Variants in AGPAT3 observed in about 807,000 individuals in gnomAD.
The protein encoded by AGPAT3 is 1-acylglycerol-3-phosphate O-acyltransferase 3, also known as 1-acyl-sn-glycerol-3-phosphate acyltransferase gamma.
AGPAT3 carries 5 observed loss-of-function variants against 47.3 expected under a neutral mutation model. The ratio of observed to expected loss-of-function variants is 0.11; its 90% CI spans 0.06 to 0.22. The LOEUF is 0.22. Ranked by LOEUF, AGPAT3 falls within the 10% of genes least tolerant of loss-of-function variation. The probability of loss-of-function intolerance (pLI) is 1.00; values close to 1 mark genes in which losing one functional copy is unlikely to be tolerated. For missense variants in AGPAT3, 315 were observed against 493.0 expected (o/e 0.64, Z 3.42); for synonymous variants, 212 against 208.3 (o/e 1.02, Z -0.15).
chr21:43,936,710 G>A (rs1417087060), intron 2 of AGPAT3, among the ~76,000 whole-genome samples: 4 of 152,144 alleles, frequency 2.6e-5, no homozygotes, highest in Non-Finnish European at 5.9e-5. Flanking sequence ...TCCTTTTCCC[G>A]ACCGCAGCTC....
At chr21:43,904,420 G>A (rs1039737794) in intron 2 of AGPAT3, among the ~76,000 whole-genome samples, 3 of 152,288 alleles carry the variant, frequency 2.0e-5, no homozygotes, top group Admixed American at 6.5e-5. Flanking sequence ...CCTGGAGACC[G>A]ACTGGGAGCC....
chr21:43,906,355 T>C (rs1337450694), intron 2 of AGPAT3, among the ~76,000 whole-genome samples: 1 of 152,128 alleles, frequency 6.6e-6, no homozygotes, highest in Non-Finnish European at 1.5e-5. Flanking sequence ...TGAGTGTTAA[T>C]ATCGAAATCT....
chr21:43,958,374 A>C (rs891517528), intron 2 of AGPAT3, among the ~76,000 whole-genome samples: 1 of 150,036 alleles, frequency 6.7e-6, no homozygotes, highest in African/African-American at 2.5e-5. Context: ...TGTGGTGTAG[A>C]GTATGGGGCT....
chr21:43,877,659 G>A (rs1311424184), intron 1 of AGPAT3, among the ~76,000 whole-genome samples: 1 of 152,026 alleles, frequency 6.6e-6, no homozygotes, highest in Non-Finnish European at 1.5e-5. Flanking sequence ...GGTCAGGCTG[G>A]CCTTGAACTC....
At chr21:43,872,687 T>G (rs1458953075) in intron 1 of AGPAT3, among the ~76,000 whole-genome samples, 1 of 152,248 alleles carries the variant, frequency 6.6e-6, no homozygotes, top group Non-Finnish European at 1.5e-5. Context: ...TTCGTATTTT[T>G]CCTTCCTGTT....
chr21:43,866,336 C>T (rs539806540), intron 1 of AGPAT3, among the ~76,000 whole-genome samples: 9 of 151,128 alleles, frequency 6.0e-5, no homozygotes, highest in African/African-American at 1.9e-4. Flanking sequence ...GATGAGCATG[C>T]GGCTCTTATT....
intron 1 of AGPAT3, among the ~76,000 whole-genome samples, chr21:43,892,141 T>C (rs541299623): frequency 6.6e-5 from 10 of 152,166 alleles, no homozygotes; most frequent in South Asian, 2.1e-4. Context: ...ATCCCGTCTC[T>C]ACTAAAAATA....
rs374771233 is a variant in AGPAT3, at chr21:43,970,639, C to T, written c.511-14C>T. On this transcript the variant is annotated splice_polypyrimidine_tract_variant and intron_variant, in intron 5 of 9. Coordinates refer to ENST00000291572, the MANE Select transcript of AGPAT3 (RefSeq NM_020132.5). This position sits in a 1 kb window ranked among gnomAD's most constrained non-coding sequence, Gnocchi z 5.8. ...CTGCTCTGTGGAGTGACCCTGTCTC[C>T]GTGTTGATCCTAGTTTCTCCTGTAC... 208 of 1,612,852 alleles carry T rather than the reference C, an allele frequency of 1.3e-4. No homozygotes were observed. The highest frequency in any genetic ancestry group is 1.7e-4 in the Middle Eastern group (1 of 6,060).
At chr21:43,963,408 G>A (rs192230831) in intron 3 of AGPAT3, among the ~76,000 whole-genome samples, 65 of 152,210 alleles carry the variant, frequency 4.3e-4, no homozygotes, top group African/African-American at 1.5e-3. Context: ...GGGCATCACA[G>A]ACCATCAGAG....
rs1157915959 is a variant in AGPAT3 at position 43,920,745 on chromosome 21, G to C, written c.-49+16726G>C. Among the ~76,000 whole-genome samples the C allele has an allele frequency of 6.6e-6, 1 of 152,136 alleles. No individual in the cohort carries two copies. Among genetic ancestry groups the C allele is most frequent in the Non-Finnish European group, 1.5e-5 (1 of 67,994 alleles). The stretch of plus-strand genomic sequence containing the variant: ...AGGTTCCCGGAGGGTGGAGCCCTGG[G>C]GAGGGTACAGCAGCTCCGAGCTCCC... On this transcript the variant is annotated intron_variant, in intron 2 of 9. Transcript: ENST00000291572. The surrounding 1 kb of genome is among the most constrained non-coding windows in gnomAD (Gnocchi z 6.1).
In AGPAT3 at chr21:43,922,944, C is replaced by T. The variant is rs1009341188; in HGVS notation, c.-49+18925C>T. Among the ~76,000 whole-genome samples, 9 of 152,208 alleles carry T rather than the reference C, an allele frequency of 5.9e-5. No homozygotes were observed. Among genetic ancestry groups the T allele is most frequent in the South Asian group, 2.1e-4 (1 of 4,832 alleles). On this transcript the variant is annotated intron_variant, in intron 2 of 9. Transcript: ENST00000291572. The surrounding 1 kb of genome is among the most constrained non-coding windows in gnomAD (Gnocchi z 4.9). ...CCCCAGCGGGGCGGGCTCTGGGGTG[C>T]GAGCGTCTGTTCTGTGTCAGGAGTC...
Position 43,983,775 on chromosome 21 carries a change from C to T in AGPAT3, c.*1383C>T, listed in dbSNP as rs1388445028. On this transcript the variant is annotated 3_prime_UTR_variant, in exon 10 of 10. Coordinates refer to ENST00000291572, the MANE Select transcript of AGPAT3 (RefSeq NM_020132.5). ...CCACCTGCATTTGGCTTTCGACTTG[C>T]TTGTTCTAAGTCACAGCGCCCTCAT... 6.6e-6 allele frequency: 1 copy of T among 152,240 alleles called. No homozygotes were observed. The highest frequency in any genetic ancestry group is 1.9e-4 in the East Asian group (1 of 5,206). 9.4% of individuals were successfully genotyped at this position (152,240 alleles called of 1,614,324 possible).
chr21:43,865,590 C>A (rs1231598545), intron 1 of AGPAT3, among the ~76,000 whole-genome samples: 1 of 150,186 alleles, frequency 6.7e-6, no homozygotes, highest in Non-Finnish European at 1.5e-5. Context: ...CCCGGCCTCC[C>A]CGGCGGCCTG....
At chr21:43,906,591 C>G (rs1024027920) in intron 2 of AGPAT3, among the ~76,000 whole-genome samples, 1 of 151,986 alleles carries the variant, frequency 6.6e-6, no homozygotes, top group Admixed American at 6.6e-5. Context: ...GACGCTTGTT[C>G]CTCATGGTGG....
rs1208665349 is a variant in AGPAT3 at position 43,934,744 on chromosome 21, C to A, written c.-48-24890C>A. On this transcript the variant is annotated intron_variant, in intron 2 of 9. Transcript: ENST00000291572. The surrounding 1 kb of genome is among the most constrained non-coding windows in gnomAD (Gnocchi z 4.7). Reference sequence around the variant, plus strand: ...AGCCACAGCACAAAGCAAGCCACGCCATGCCACCCACGTGCTGCCATATCA... The same window carrying A: ...AGCCACAGCACAAAGCAAGCCACGCAATGCCACCCACGTGCTGCCATATCA... Among the ~76,000 whole-genome samples the A allele has an allele frequency of 6.6e-6, 1 of 152,130 alleles. No homozygotes were observed. Among genetic ancestry groups the A allele is most frequent in the Admixed American group, 6.6e-5 (1 of 15,266 alleles).
intron 2 of AGPAT3, among the ~76,000 whole-genome samples, chr21:43,917,144 G>T (rs1569062472): frequency 6.6e-6 from 1 of 152,052 alleles, no homozygotes; most frequent in Non-Finnish European, 1.5e-5. Context: ...TTGCTGGGTT[G>T]TCCTCAAAGC....
intron 3 of AGPAT3, chr21:43,966,523 C>T (rs1423569873): frequency 1.3e-5 from 2 of 152,270 alleles, no homozygotes; most frequent in African/African-American, 2.4e-5. Context: ...CCCCACAAAC[C>T]CTGAGTTCCC....
chr21:43,955,377 G>T lies in AGPAT3; in HGVS notation c.-48-4257G>T. ...AGCTTGTCAACACCCATAACGCTAT[G>T]CACGGACACTCGGCAAACCCATCTT... On this transcript the variant is annotated intron_variant, in intron 2 of 9. Coordinates refer to ENST00000291572, the MANE Select transcript of AGPAT3 (RefSeq NM_020132.5). This position sits in a 1 kb window ranked among gnomAD's most constrained non-coding sequence, Gnocchi z 4.1. 1 of 347,026 alleles carries T rather than the reference G, an allele frequency of 2.9e-6. No homozygotes were observed. The highest frequency in any genetic ancestry group is 4.4e-6 in the Non-Finnish European group (1 of 225,026). The allele number at this position is 347,026 out of a possible 1,614,324, so 21.5% of individuals were successfully genotyped here.
At chr21:43,967,868 G>C (rs2089206290) in intron 3 of AGPAT3, 78 bp from the exon 4 acceptor site, 1 of 1,440,058 alleles carries the variant, frequency 6.9e-7, no homozygotes, top group South Asian at 1.3e-5. Context: ...AAATACTGTA[G>C]GTGTCTCCTG....
Sources: allele counts gnomAD v4.1 joint callset (sites outside exome capture counted in the v4.1 genomes callset), GRCh38; gene constraint gnomAD v4.1.1; non-coding constraint Gnocchi (gnomAD v3.1); transcripts MANE v1.5; gene names NCBI Gene and HGNC (gene_info 2026-07-23, HGNC 2026-07-21).